Variants in CNTNAP2 observed in about 807,000 individuals in gnomAD.
The protein encoded by CNTNAP2 is contactin associated protein 2.
In CNTNAP2, 98 loss-of-function variants were observed where a neutral mutation model predicts 155.2. The ratio of observed to expected loss-of-function variants is 0.63; its 90% CI spans 0.54 to 0.75. The LOEUF (loss-of-function observed/expected upper bound fraction) is 0.75. Among genes scored for constraint, CNTNAP2 ranks in the 30% least tolerant of loss-of-function variants. The pLI is 0.00. For synonymous variants in CNTNAP2, 651 were observed against 631.2 expected (o/e 1.03, Z -0.47); for missense variants, 1,727 against 1,688.1 (o/e 1.02, Z -0.40).
At chr7:147,707,250 G>T (rs542857530) in intron 13 of CNTNAP2, among the ~76,000 whole-genome samples, 3 of 152,096 alleles carry the variant, frequency 2.0e-5, no homozygotes, top group African/African-American at 7.2e-5. Flanking sequence ...TTCTTCTTCC[G>T]GGTTTTTGAA....
At chr7:148,307,819 A>G (rs970685547) in intron 21 of CNTNAP2, among the ~76,000 whole-genome samples, 2 of 152,120 alleles carry the variant, frequency 1.3e-5, no homozygotes, top group African/African-American at 4.8e-5. Flanking sequence ...AAAAAAACAC[A>G]AAAATTGCCC....
At chr7:146,942,714 A>T (rs923921379) in intron 3 of CNTNAP2, among the ~76,000 whole-genome samples, 1 of 152,150 alleles carries the variant, frequency 6.6e-6, no homozygotes, top group African/African-American at 2.4e-5. Context: ...AAATACCACA[A>T]TTACCTATTG....
chr7:146,747,095 A>G (rs981616672), intron 1 of CNTNAP2, among the ~76,000 whole-genome samples: 18 of 152,094 alleles, frequency 1.2e-4, no homozygotes, highest in African/African-American at 4.3e-4. Flanking sequence ...CGTTACTTAC[A>G]TTTTTGAATG....
intron 3 of CNTNAP2, among the ~76,000 whole-genome samples, chr7:146,951,367 C>T (rs1673150916): frequency 6.6e-6 from 1 of 152,086 alleles, no homozygotes; most frequent in Non-Finnish European, 1.5e-5. Context: ...GAAGAGTTTG[C>T]CCATGTCTAT....
At chr7:147,321,511 G>GA (rs1401582047) in intron 9 of CNTNAP2, among the ~76,000 whole-genome samples, 1 of 152,042 alleles carries the variant, frequency 6.6e-6, no homozygotes, top group Non-Finnish European at 1.5e-5. Flanking sequence ...GTCAACATAA[G>GA]AAGAAAGCAC....
At chr7:146,789,935 G>T (rs1802641125) in intron 2 of CNTNAP2, among the ~76,000 whole-genome samples, 1 of 150,960 alleles carries the variant, frequency 6.6e-6, no homozygotes, top group South Asian at 2.1e-4. Context: ...TGTGAGATGA[G>T]AACAATCTGG....
chr7:147,025,465 G>A (rs1446903028), intron 3 of CNTNAP2, among the ~76,000 whole-genome samples: 1 of 27,028 alleles, frequency 3.7e-5, no homozygotes, highest in African/African-American at 1.8e-4. Context: ...GGGGAGGGGA[G>A]GAGGGGGAGG....
chr7:146,644,683 T>G (rs912759057), intron 1 of CNTNAP2, among the ~76,000 whole-genome samples: 11 of 152,140 alleles, frequency 7.2e-5, no homozygotes, highest in Non-Finnish European at 1.3e-4. Flanking sequence ...CAAACTACCA[T>G]CAGAGAATAC....
intron 9 of CNTNAP2, among the ~76,000 whole-genome samples, chr7:147,355,002 C>A (rs1355995689): frequency 6.6e-6 from 1 of 152,040 alleles, no homozygotes; most frequent in Non-Finnish European, 1.5e-5. Context: ...TGACACTTTT[C>A]TGAAGTTGCT....
intron 13 of CNTNAP2, chr7:147,672,939 A>G (rs1243520461): frequency 6.6e-6 from 1 of 152,212 alleles, no homozygotes; most frequent in Non-Finnish European, 1.5e-5. Flanking sequence ...CCCCAAATCA[A>G]AAGTATTTCA....
chr7:147,210,319 T>C (rs1429476624), intron 8 of CNTNAP2, among the ~76,000 whole-genome samples: 1 of 152,068 alleles, frequency 6.6e-6, no homozygotes, highest in Admixed American at 6.6e-5. Context: ...TAATTCAATC[T>C]TGGGAGATTG....
chr7:146,346,866 C>G (rs73465967), intron 1 of CNTNAP2, among the ~76,000 whole-genome samples: 1 of 151,934 alleles, frequency 6.6e-6, no homozygotes, highest in Non-Finnish European at 1.5e-5. Flanking sequence ...TCCAGAGGAC[C>G]GATAGTGCAT....
At chr7:146,378,379 C>T (rs1422670383) in intron 1 of CNTNAP2, among the ~76,000 whole-genome samples, 3 of 152,086 alleles carry the variant, frequency 2.0e-5, no homozygotes, top group Middle Eastern at 3.4e-3. Context: ...TAGATCATGA[C>T]GATGATGATG....
chr7:148,093,865 C>A (rs1200493179), intron 15 of CNTNAP2, among the ~76,000 whole-genome samples: 1 of 152,142 alleles, frequency 6.6e-6, no homozygotes, highest in African/African-American at 2.4e-5. Context: ...GCCTCAACCT[C>A]GCAGGCTCAA....
chr7:148,339,941 A>G (rs1798198707), intron 21 of CNTNAP2, among the ~76,000 whole-genome samples: 1 of 151,070 alleles, frequency 6.6e-6, no homozygotes, highest in Admixed American at 6.6e-5. Flanking sequence ...AAGTAAAGGA[A>G]AACGAGGAGA....
At chr7:147,463,369 G>A (rs889025857) in intron 10 of CNTNAP2, among the ~76,000 whole-genome samples, 4 of 152,256 alleles carry the variant, frequency 2.6e-5, no homozygotes, top group African/African-American at 9.6e-5. Context: ...AATAGATGAG[G>A]AGAAGTTCCT....
At chr7:146,881,634 C>A (rs984523220) in intron 3 of CNTNAP2, among the ~76,000 whole-genome samples, 4 of 150,186 alleles carry the variant, frequency 2.7e-5, no homozygotes, top group African/African-American at 7.4e-5. Flanking sequence ...TTTTTTGACA[C>A]AATAAATGGA....
At chr7:146,655,213 G>A (rs966381541) in intron 1 of CNTNAP2, among the ~76,000 whole-genome samples, 54 of 151,880 alleles carry the variant, frequency 3.6e-4, no homozygotes, top group Admixed American at 3.2e-3. Flanking sequence ...AGGAGTTCAA[G>A]ACCAGCCCAA....
intron 1 of CNTNAP2, among the ~76,000 whole-genome samples, chr7:146,601,300 T>C (rs931035241): frequency 6.6e-6 from 1 of 152,094 alleles, no homozygotes; most frequent in African/African-American, 2.4e-5. Flanking sequence ...AAAAGTATAG[T>C]AAGAAATTTG....
Sources: gnomAD v4.1 joint callset for allele counts (sites outside exome capture counted in the v4.1 genomes callset) on GRCh38, gnomAD v4.1.1 for gene constraint, MANE v1.5 for transcripts, NCBI Gene and HGNC (gene_info 2026-07-23, HGNC 2026-07-21) for gene names.